Variants in SUGCT observed in about 807,000 individuals in gnomAD.
SUGCT encodes succinyl-CoA:glutarate-CoA transferase.
In SUGCT, 41 loss-of-function variants were observed where a neutral mutation model predicts 55.0. The observed-to-expected ratio is 0.74, with a 90% confidence interval of 0.58 to 0.97. The LOEUF (loss-of-function observed/expected upper bound fraction) is 0.97, where lower values mean the gene tolerates loss of function less well. SUGCT is among the 50% of genes least tolerant of loss of function. The pLI is 0.00. For synonymous variants in SUGCT, 187 were observed against 200.4 expected (o/e 0.93, Z 0.56); for missense variants, 568 against 547.8 (o/e 1.04, Z -0.37).
chr7:40,832,552 GGTTTTTTTT>G (rs1318888421), intron 13 of SUGCT, among the ~76,000 whole-genome samples: 1 of 142,448 alleles, frequency 7.0e-6, no homozygotes, highest in Non-Finnish European at 1.5e-5. Flanking sequence ...TGTTTTCCAG[GGTTTTTTTT>G]GTTTTTTTTT....
chr7:40,748,722 C>G (rs1787864030), intron 12 of SUGCT, among the ~76,000 whole-genome samples: 1 of 151,950 alleles, frequency 6.6e-6, no homozygotes, highest in Non-Finnish European at 1.5e-5. Flanking sequence ...ACCTAATCAG[C>G]CCTCTGGGAT....
chr7:40,402,654 A>G (rs1786140804), intron 9 of SUGCT, among the ~76,000 whole-genome samples: 1 of 151,944 alleles, frequency 6.6e-6, no homozygotes, highest in African/African-American at 2.4e-5. Context: ...TTTGGCTTAA[A>G]TGTGTTGGAA....
At chr7:40,744,718 T>C (rs1376492454) in intron 12 of SUGCT, among the ~76,000 whole-genome samples, 1 of 152,224 alleles carries the variant, frequency 6.6e-6, no homozygotes, top group Non-Finnish European at 1.5e-5. Context: ...CTTTATGTCC[T>C]AACCCAATGC....
chr7:40,592,358 G>A (rs960290660), intron 12 of SUGCT, among the ~76,000 whole-genome samples: 1 of 152,174 alleles, frequency 6.6e-6, no homozygotes, highest in African/African-American at 2.4e-5. Flanking sequence ...CAGACCATAA[G>A]ATGAGGCATC....
intron 12 of SUGCT, among the ~76,000 whole-genome samples, chr7:40,633,266 C>T (rs1436430201): frequency 6.6e-6 from 1 of 152,122 alleles, no homozygotes; most frequent in Non-Finnish European, 1.5e-5. Context: ...CCAAAAGTGT[C>T]TATATTTTTT....
chr7:40,687,557 C>T (rs1784517345), intron 12 of SUGCT, among the ~76,000 whole-genome samples: 1 of 152,130 alleles, frequency 6.6e-6, no homozygotes. Flanking sequence ...CTCTGTGTTC[C>T]TTTATGAGGA....
intron 13 of SUGCT, among the ~76,000 whole-genome samples, chr7:40,757,056 AAATC>A (rs1788288463): frequency 2.0e-5 from 3 of 152,202 alleles, no homozygotes; most frequent in South Asian, 4.1e-4. Context: ...GTACTGAGTG[AAATC>A]AATCAGTGTA....
intron 10 of SUGCT, among the ~76,000 whole-genome samples, chr7:40,454,226 G>A (rs1583719001): frequency 6.6e-6 from 1 of 152,088 alleles, no homozygotes; most frequent in African/African-American, 2.4e-5. Context: ...CAGAATGAGG[G>A]GAGAAAGTGT....
intron 13 of SUGCT, among the ~76,000 whole-genome samples, chr7:40,783,190 G>C (rs1198172671): frequency 1.3e-5 from 2 of 152,110 alleles, no homozygotes; most frequent in Admixed American, 1.3e-4. Context: ...CCAAAAGCTT[G>C]CCCTGTGGAG....
the SUGCT span, among the ~76,000 whole-genome samples, chr7:40,934,005 G>A: frequency 1.3e-5 from 2 of 152,184 alleles, no homozygotes; most frequent in Non-Finnish European, 2.9e-5. Flanking sequence ...TCCTTTGGAG[G>A]AGAAGAGGCA....
chr7:40,350,141 T>G (rs941034707), intron 9 of SUGCT, among the ~76,000 whole-genome samples: 2 of 151,976 alleles, frequency 1.3e-5, no homozygotes, highest in Non-Finnish European at 2.9e-5. Context: ...TTGTTCTTTT[T>G]AAAATAATTT....
intron 9 of SUGCT, among the ~76,000 whole-genome samples, chr7:40,419,601 T>G (rs538730701): frequency 1.6e-4 from 24 of 152,286 alleles, no homozygotes; most frequent in East Asian, 7.7e-4. Context: ...TGGGAGGAAA[T>G]GATGAATCCG....
At chr7:40,551,003 A>G (rs1040642505) in intron 12 of SUGCT, among the ~76,000 whole-genome samples, 11 of 152,126 alleles carry the variant, frequency 7.2e-5, no homozygotes, top group African/African-American at 2.4e-4. Flanking sequence ...TGCCTGTGGC[A>G]GCCTTCTCCC....
intron 12 of SUGCT, among the ~76,000 whole-genome samples, chr7:40,592,402 T>C (rs190506988): frequency 1.8e-4 from 28 of 152,294 alleles, no homozygotes; most frequent in African/African-American, 6.3e-4. Context: ...GGAAGAGACA[T>C]CCATCCTCTC....
chr7:40,487,250 GTTTTTTTTTTTTTTTTTT>G (rs1167865633), intron 11 of SUGCT, among the ~76,000 whole-genome samples: 1 of 42,902 alleles, frequency 2.3e-5, no homozygotes, highest in Non-Finnish European at 4.5e-5. Context: ...ACACCCAGCT[GTTTTTTTTTTTTTTTTTT>G]TTTTTTTTTT....
intron 8 of SUGCT, among the ~76,000 whole-genome samples, chr7:40,297,580 T>C (rs1562657034): frequency 6.6e-6 from 1 of 152,162 alleles, no homozygotes; most frequent in Non-Finnish European, 1.5e-5. Flanking sequence ...CCTCTTTCGC[T>C]AAAAGAGATC....
At position 40,141,839 on chromosome 7, in the gene SUGCT, C is replaced by T. The variant is rs1016575869; in HGVS notation, c.100+6719C>T. The stretch of plus-strand genomic sequence containing the variant: ...TAATTCTCAGCAAGGCAATGTACTT[C>T]TATAGAAGAATGCGCCCTTACAGAT... On this transcript the variant is annotated intron_variant, in intron 1 of 13. Transcript: ENST00000335693. 3 of 423,766 alleles carry T rather than the reference C, an allele frequency of 7.1e-6. No homozygotes were observed. The Admixed American group carries it at 7.4e-5, about 10-fold the overall frequency. 26.3% of individuals were successfully genotyped at this position (423,766 alleles called of 1,614,324 possible). A position where few individuals can be genotyped will look rare whatever the true frequency, so the allele number is the denominator to read the frequency against.
chr7:40,809,838 A>G lies in SUGCT; in HGVS notation c.1154-50478A>G, dbSNP rs192804595. 3.8e-3 allele frequency among the ~76,000 whole-genome samples: 577 copies of G among 152,072 alleles called. 4 individuals carry two copies. Among genetic ancestry groups the G allele is most frequent in the Non-Finnish European group, 6.3e-3 (429 of 67,962 alleles). On this transcript the variant is annotated intron_variant, in intron 13 of 13. Transcript: ENST00000335693. ...GTTGCCATATGTTCCTGAGTACCCAATGTTTGGCTCCCACTTATTTATATG... is the reference window on the plus strand; with the variant it reads ...GTTGCCATATGTTCCTGAGTACCCAGTGTTTGGCTCCCACTTATTTATATG...
At chr7:40,948,387 A>C in the SUGCT span, among the ~76,000 whole-genome samples, 1 of 152,134 alleles carries the variant, frequency 6.6e-6, no homozygotes, top group Non-Finnish European at 1.5e-5. Flanking sequence ...TGTAACCCAC[A>C]AACAGATTTA....
Sources: allele counts gnomAD v4.1 joint callset (sites outside exome capture counted in the v4.1 genomes callset), GRCh38; gene constraint gnomAD v4.1.1; transcripts MANE v1.5; gene names NCBI Gene and HGNC (gene_info 2026-07-23, HGNC 2026-07-21).